Variants in STRBP observed in about 807,000 individuals in gnomAD.
STRBP encodes spermatid perinuclear RNA-binding protein.
A neutral mutation model predicts 80.1 loss-of-function variants in STRBP; 13 were observed. That is an observed-to-expected ratio of 0.16 (90% CI 0.11 to 0.26). The LOEUF is 0.26. Among genes scored for constraint, STRBP ranks in the 10% least tolerant of loss-of-function variants. The probability of loss-of-function intolerance (pLI) is 1.00; values close to 1 mark genes in which losing one functional copy is unlikely to be tolerated. For missense variants in STRBP, 485 were observed against 815.2 expected (o/e 0.59, Z 4.93); for synonymous variants, 284 against 291.2 (o/e 0.98, Z 0.25).
intron 13 of STRBP, among the ~76,000 whole-genome samples, chr9:123,142,179 G>C (rs2036616432): frequency 6.6e-6 from 1 of 152,170 alleles, no homozygotes; most frequent in South Asian, 2.1e-4. Context: ...GGTGGGGCCT[G>C]GTGGGAGGTG....
chr9:123,253,768 T>C (rs2040964892), intron 1 of STRBP, among the ~76,000 whole-genome samples: 1 of 152,222 alleles, frequency 6.6e-6, no homozygotes, highest in African/African-American at 2.4e-5. Context: ...AGAAGGATAC[T>C]CTGTTTCTCA....
At chr9:123,138,754 C>A (rs1405601067) in intron 14 of STRBP, among the ~76,000 whole-genome samples, 4 of 152,186 alleles carry the variant, frequency 2.6e-5, no homozygotes, top group Non-Finnish European at 5.9e-5. Context: ...GCTCTGCACA[C>A]AATTTCTGAA....
intron 2 of STRBP, among the ~76,000 whole-genome samples, chr9:123,223,073 A>G (rs1588125408): frequency 6.6e-6 from 1 of 152,008 alleles, no homozygotes; most frequent in South Asian, 2.1e-4. Context: ...ATAGATAGAT[A>G]GATAGATAGA....
downstream of STRBP, among the ~76,000 whole-genome samples, chr9:123,120,486 G>T (rs1213732760): frequency 6.6e-5 from 3 of 45,262 alleles, no homozygotes; most frequent in African/African-American, 1.5e-4. Context: ...TGCGGGCGGG[G>T]GGGTGGGGGG....
At chr9:123,189,639 T>C (rs902202525) in intron 2 of STRBP, among the ~76,000 whole-genome samples, 8 of 151,704 alleles carry the variant, frequency 5.3e-5, no homozygotes, top group East Asian at 2.0e-4. Context: ...TAGGTGGGAA[T>C]TGAACAATGA....
rs148529816 is a variant in STRBP at position 123,151,069 on chromosome 9, A to C, written c.1046-3199T>G. Among the ~76,000 whole-genome samples, 609 of 152,334 alleles carry C rather than the reference A, an allele frequency of 4.0e-3. 4 individuals are homozygous for C. The highest frequency in any genetic ancestry group is 5.0e-3 in the Non-Finnish European group (340 of 68,036). ...AGCACTCATAATAACCAGGCACATGAGAAGATATCATGATCAAAAATCAAG... is the reference window on the plus strand; with the variant it reads ...AGCACTCATAATAACCAGGCACATGCGAAGATATCATGATCAAAAATCAAG... On this transcript the variant is annotated intron_variant, in intron 11 of 18. Coordinates refer to ENST00000348403, the MANE Select transcript of STRBP (RefSeq NM_018387.5).
chr9:123,175,525 T>C (rs1269182675), intron 4 of STRBP, among the ~76,000 whole-genome samples: 1 of 152,130 alleles, frequency 6.6e-6, no homozygotes, highest in African/African-American at 2.4e-5. Flanking sequence ...ATTAAATCAA[T>C]GAAAAATGTT....
At chr9:123,218,617 C>A (rs1380946470) in intron 2 of STRBP, among the ~76,000 whole-genome samples, 2 of 151,898 alleles carry the variant, frequency 1.3e-5, no homozygotes, top group African/African-American at 4.8e-5. Flanking sequence ...GATCCACCCG[C>A]CTCGGCCTCC....
In STRBP at chr9:123,110,503, C is replaced by G. The variant is rs1285297729; in HGVS notation, c.*85-750G>C. On this transcript the variant is annotated intron_variant and NMD_transcript_variant, in intron 3 of 3. Coordinates refer to the STRBP transcript ENST00000471564. The surrounding 1 kb of genome is among the most constrained non-coding windows in gnomAD (Gnocchi z 4.1). ...AGCACAACAGGCCAGACAGATGGGT[C>G]CAGGATGAAAGGCCTGAGTCCAAGG... 1.2e-5 allele frequency: 2 copies of G among 169,234 alleles called. No homozygotes were observed. The highest frequency in any genetic ancestry group is 2.4e-5 in the African/African-American group (1 of 41,486). 10.5% of individuals were successfully genotyped at this position (169,234 alleles called of 1,614,324 possible). A position where few individuals can be genotyped will look rare whatever the true frequency, so the allele number is the denominator to read the frequency against.
chr9:123,186,855 T>A (rs1002599764), intron 2 of STRBP, among the ~76,000 whole-genome samples: 1 of 149,902 alleles, frequency 6.7e-6, no homozygotes, highest in Non-Finnish European at 1.5e-5. Context: ...GTCAACCTAG[T>A]GGATAAAATT....
intron 2 of STRBP, among the ~76,000 whole-genome samples, chr9:123,220,000 A>T (rs1170250965): frequency 2.0e-5 from 3 of 152,238 alleles, no homozygotes; most frequent in Non-Finnish European, 4.4e-5. Context: ...CTTTCTGATA[A>T]ACAAAAACAG....
intron 2 of STRBP, among the ~76,000 whole-genome samples, chr9:123,235,857 C>A (rs887252697): frequency 1.3e-5 from 2 of 152,142 alleles, no homozygotes; most frequent in African/African-American, 4.8e-5. Context: ...GAAAAATAAT[C>A]AAAAATAAGA....
At chr9:123,185,910 T>C (rs1272311374) in intron 2 of STRBP, among the ~76,000 whole-genome samples, 1 of 151,724 alleles carries the variant, frequency 6.6e-6, no homozygotes, top group African/African-American at 2.4e-5. Context: ...CGGGTGCCTG[T>C]AGTCCCAGCT....
At chr9:123,143,567 G>A (rs999950731) in intron 13 of STRBP, among the ~76,000 whole-genome samples, 1 of 152,180 alleles carries the variant, frequency 6.6e-6, no homozygotes, top group African/African-American at 2.4e-5. Flanking sequence ...TATAAACAAC[G>A]CATAACATGT....
At chr9:123,252,064 T>C (rs115590512) in intron 1 of STRBP, among the ~76,000 whole-genome samples, 1 of 151,868 alleles carries the variant, frequency 6.6e-6, no homozygotes, top group Admixed American at 6.6e-5. Flanking sequence ...CAATACCCAA[T>C]GAAGGTATTT....
intron 4 of STRBP, 44 bp from the exon 5 acceptor site, chr9:123,173,886 CAAA>C (rs1409473916): frequency 6.4e-7 from 1 of 1,550,888 alleles, no homozygotes. Flanking sequence ...ACCTATTTCC[CAAA>C]CTATAACTTA....
intron 11 of STRBP, among the ~76,000 whole-genome samples, chr9:123,152,004 C>T (rs1254598125): frequency 6.6e-6 from 1 of 152,012 alleles, no homozygotes; most frequent in South Asian, 2.1e-4. Flanking sequence ...ATACTACAGA[C>T]AATAAAATGA....
chr9:123,158,762 C>T (rs1038170599), intron 9 of STRBP, among the ~76,000 whole-genome samples: 27 of 151,982 alleles, frequency 1.8e-4, no homozygotes, highest in African/African-American at 6.3e-4. Context: ...TTAATTTTTC[C>T]AAATTTAAAA....
intron 2 of STRBP, chr9:123,116,115 T>C (rs1478519414): frequency 2.2e-6 from 1 of 455,996 alleles, no homozygotes; most frequent in Admixed American, 2.4e-5. Context: ...GAATGAGGGA[T>C]TTTTAGAAAG....
Sources: gnomAD v4.1 joint callset for allele counts (sites outside exome capture counted in the v4.1 genomes callset) on GRCh38, gnomAD v4.1.1 for gene constraint, Gnocchi (gnomAD v3.1) non-coding constraint, MANE v1.5 for transcripts, NCBI Gene and HGNC (gene_info 2026-07-23, HGNC 2026-07-21) for gene names.